MMP28: variants seen among roughly 807,000 people sequenced by gnomAD.
The protein encoded by MMP28 is matrix metalloproteinase-28.
In MMP28, 55 loss-of-function variants were observed where a neutral mutation model predicts 60.5. The observed-to-expected ratio is 0.91, with a 90% CI of 0.73 to 1.14. MMP28 has a LOEUF of 1.14. MMP28 is among the 50% of genes most tolerant of loss of function. The pLI is 0.00. For missense variants in MMP28, 686 were observed against 738.3 expected (o/e 0.93, Z 0.82); for synonymous variants, 318 against 312.5 (o/e 1.02, Z -0.18).
At chr17:35,756,996 G>A (rs782357519) in intron 2 of MMP28, among the ~76,000 whole-genome samples, 78 of 151,574 alleles carry the variant, frequency 5.1e-4, no homozygotes, top group African/African-American at 1.7e-3. Context: ...TCAGGAGCTC[G>A]AGAACAGCCT....
chr17:35,795,425 G>A lies in MMP28; in HGVS notation c.-48C>T. The A allele has an allele frequency of 3.8e-6, 5 of 1,323,334 alleles. No individual in the cohort carries two copies. Among genetic ancestry groups the A allele is most frequent in the Non-Finnish European group, 4.9e-6 (5 of 1,029,642 alleles). 82.0% of individuals were successfully genotyped at this position (1,323,334 alleles called of 1,614,324 possible). ...GGCTCGGGGAGCTACTGCGCGCAGG[G>A]AACCAGCCGGCAGTCAGCCGCGCCC... On this transcript the variant is annotated 5_prime_UTR_variant, in exon 1 of 8. Transcript: ENST00000605424.
chr17:35,778,831 C>G, intron 3 of MMP28, 57 bp downstream of exon 3: 3 of 1,613,816 alleles, frequency 1.9e-6, no homozygotes, highest in Non-Finnish European at 2.5e-6. Flanking sequence ...GTTTTCCTAG[C>G]CATTGGCTTC....
At chr17:35,776,165 C>T (rs765064644) in intron 3 of MMP28, among the ~76,000 whole-genome samples, 13 of 147,502 alleles carry the variant, frequency 8.8e-5, no homozygotes, top group African/African-American at 1.3e-4. Flanking sequence ...TGAGCCACCG[C>T]GCCCAGGCTT....
chr17:35,791,485 C>T (rs891451419), intron 1 of MMP28, among the ~76,000 whole-genome samples: 2 of 152,064 alleles, frequency 1.3e-5, no homozygotes, highest in Non-Finnish European at 1.5e-5. Context: ...CCGCAGTGAG[C>T]CATGGCTGTC....
chr17:35,784,257 G>A (rs2086585908), intron 1 of MMP28, among the ~76,000 whole-genome samples: 1 of 150,424 alleles, frequency 6.6e-6, no homozygotes, highest in African/African-American at 2.5e-5. Flanking sequence ...ACTCCAGCCT[G>A]GGCAACAAGA....
At chr17:35,781,882 T>TG (rs1194108407) in intron 1 of MMP28, among the ~76,000 whole-genome samples, 4 of 151,940 alleles carry the variant, frequency 2.6e-5, no homozygotes, top group Admixed American at 1.3e-4. Context: ...GTTTTAGAGA[T>TG]GGGGGTCTCA....
At chr17:35,774,558 C>T (rs1378523794) in intron 3 of MMP28, among the ~76,000 whole-genome samples, 1 of 152,232 alleles carries the variant, frequency 6.6e-6, no homozygotes. Flanking sequence ...CCGGTCAAAG[C>T]ATGAACTAAG....
rs571554808 is a variant in MMP28, at chr17:35,791,477, G to A, written c.111+3790C>T. On this transcript the variant is annotated intron_variant, in intron 1 of 7. Transcript: ENST00000605424. Reference sequence around the variant, plus strand: ...CACTTGAGCCCAGGAGATTGAGGCCGCAGTGAGCCATGGCTGTCTCAAAAA... The same window carrying A: ...CACTTGAGCCCAGGAGATTGAGGCCACAGTGAGCCATGGCTGTCTCAAAAA... Among the ~76,000 whole-genome samples, 7 of 152,224 alleles carry A rather than the reference G, an allele frequency of 4.6e-5. No homozygotes were observed. In the East Asian group the frequency reaches 5.8e-4, roughly 13 times the overall value.
chr17:35,763,491 G>A (rs746153227), downstream of MMP28, among the ~76,000 whole-genome samples: 77 of 113,324 alleles, frequency 6.8e-4, no homozygotes, highest in Middle Eastern at 7.2e-3. Context: ...TGACCTTGTT[G>A]CCCACACTGG....
At chr17:35,791,829 C>G (rs1016364224) in intron 1 of MMP28, among the ~76,000 whole-genome samples, 1 of 152,178 alleles carries the variant, frequency 6.6e-6, no homozygotes, top group African/African-American at 2.4e-5. Context: ...CACAGTCTCA[C>G]CCTACACGTG....
downstream of MMP28, chr17:35,764,271 G>C (rs1555602207): frequency 6.5e-7 from 1 of 1,537,250 alleles, no homozygotes; most frequent in African/African-American, 1.4e-5. Context: ...AGCGGCTTCT[G>C]GGGCTGGCTC....
rs1000026322 is a variant in MMP28, at chr17:35,770,282, C to A, written c.635G>T (p.Arg212Leu). 2 of 1,555,090 alleles carry A rather than the reference C, an allele frequency of 1.3e-6. No individual in the cohort carries two copies. The highest frequency in any genetic ancestry group is 2.3e-5 in the South Asian group (2 of 85,394). ...GGALAHAFLP[R>L]RGEAHFDQDE... ...TTGGTCGAAGTGCGCTTCGCCGCGG[C>A]GGGGCAGGAAGGCGTGCGCCAGGGC... Residue 212 changes from arginine to leucine, a missense_variant, in exon 5 of 8, where the codon CGC becomes CTC. Transcript: ENST00000605424.
chr17:35,787,858 C>T (rs2086697225), intron 1 of MMP28, among the ~76,000 whole-genome samples: 1 of 151,338 alleles, frequency 6.6e-6, no homozygotes. Flanking sequence ...GCTATAATCC[C>T]TGCTCCTTCT....
rs2086943221 is a variant in MMP28 at position 35,795,402 on chromosome 17, C to G, written c.-25G>C. On this transcript the variant is annotated 5_prime_UTR_variant, in exon 1 of 8. Coordinates refer to ENST00000605424, the MANE Select transcript of MMP28 (RefSeq NM_024302.5). ...TCTCGCCGCCTCCGGTGCAGCCCGGCTCGGGGAGCTACTGCGCGCAGGGAA... is the reference window on the plus strand; with the variant it reads ...TCTCGCCGCCTCCGGTGCAGCCCGGGTCGGGGAGCTACTGCGCGCAGGGAA... The G allele has an allele frequency of 2.2e-6, 3 of 1,387,466 alleles. No homozygotes were observed. Among genetic ancestry groups the G allele is most frequent in the African/African-American group, 1.5e-5 (1 of 66,240 alleles). The allele number at this position is 1,387,466 out of a possible 1,614,324, so 85.9% of individuals were successfully genotyped here. A position where few individuals can be genotyped will look rare whatever the true frequency, so the allele number is the denominator to read the frequency against.
In MMP28 at chr17:35,795,478, G is replaced by A. The variant is rs910040322; in HGVS notation, c.-101C>T. The A allele has an allele frequency of 6.3e-6, 5 of 798,332 alleles. No individual in the cohort carries two copies. The highest frequency in any genetic ancestry group is 8.9e-6 in the Non-Finnish European group (5 of 563,458). 49.5% of individuals were successfully genotyped at this position (798,332 alleles called of 1,614,324 possible). A position where few individuals can be genotyped will look rare whatever the true frequency, so the allele number is the denominator to read the frequency against. On this transcript the variant is annotated 5_prime_UTR_variant, in exon 1 of 8. Transcript: ENST00000605424. ...GACCCCGGGGATGGGACTGCTCTGC[G>A]CCGCCCCCGCACGGAGAGGGACTGT...
intron 1 of MMP28, among the ~76,000 whole-genome samples, chr17:35,786,641 G>C (rs2086655299): frequency 6.8e-6 from 1 of 147,734 alleles, no homozygotes; most frequent in African/African-American, 2.6e-5. Context: ...GGCTGGGGCA[G>C]GAAGATTTCT....
chr17:35,757,996 C>A (rs1440001680), intron 2 of MMP28: 5 of 152,092 alleles, frequency 3.3e-5, no homozygotes, highest in African/African-American at 1.2e-4. Flanking sequence ...CCAGGCAAAA[C>A]TAATATTGCA....
chr17:35,764,320 C>A (rs2085889667), downstream of MMP28: 1 of 1,477,642 alleles, frequency 6.8e-7, no homozygotes, highest in East Asian at 2.6e-5. Context: ...CAGCTCCCAC[C>A]GACAGGTGCC....
downstream of MMP28, chr17:35,764,759 A>C: frequency 3.3e-6 from 3 of 919,490 alleles, no homozygotes; most frequent in Non-Finnish European, 4.6e-6. Flanking sequence ...GAGCGCCCCC[A>C]TCCGTCAAGA....
Sources: allele counts gnomAD v4.1 joint callset (sites outside exome capture counted in the v4.1 genomes callset), GRCh38; gene constraint gnomAD v4.1.1; transcripts MANE v1.5; gene names NCBI Gene and HGNC (gene_info 2026-07-23, HGNC 2026-07-21).